The following FRMPD2 variants were observed in gnomAD, a reference collection of about 807,000 sequenced individuals.
FRMPD2 encodes FERM and PDZ domain containing 2.
Under a neutral mutation model 140.1 loss-of-function variants are expected in FRMPD2, and 96 were observed. The ratio of observed to expected loss-of-function variants is 0.69; its 90% CI spans 0.58 to 0.81. FRMPD2 has a LOEUF of 0.81. FRMPD2 is among the 40% of genes least tolerant of loss of function. The probability of loss-of-function intolerance (pLI) is 0.00; values close to 1 mark genes in which losing one functional copy is unlikely to be tolerated. For missense variants in FRMPD2, 1,240 were observed against 1,447.4 expected (o/e 0.86, Z 2.32); for synonymous variants, 449 against 547.6 (o/e 0.82, Z 2.52).
At chr10:48,237,735 C>T (rs1213854902) in intron 8 of FRMPD2, among the ~76,000 whole-genome samples, 1 of 152,138 alleles carries the variant, frequency 6.6e-6, no homozygotes, top group East Asian at 1.9e-4. Flanking sequence ...GTGGCTTCCT[C>T]TAGGGTGGGA....
chr10:48,268,237 C>T (rs1297551458), intron 1 of FRMPD2, among the ~76,000 whole-genome samples: 1 of 152,146 alleles, frequency 6.6e-6, no homozygotes, highest in Non-Finnish European at 1.5e-5. Flanking sequence ...ATACCAAATG[C>T]TTATGAGGAT....
rs139262103 is a variant in FRMPD2, at chr10:48,274,554, G to A, written c.14C>T (p.Thr5Met). 2.4e-4 allele frequency: 384 copies of A among 1,614,052 alleles called. No homozygotes were observed. Among genetic ancestry groups the A allele is most frequent in the South Asian group, 8.7e-4 (79 of 91,088 alleles). ...ATGCCAAGGAATACCTGCGTCCTTC[G>A]TTAAAGGCTGCATCCAAAAGTCTCC... MQPL[T>M]KDAGMSLSSV... is the part of the protein sequence containing the mutation. Residue 5 changes from threonine (T) to methionine (M), a missense_variant, in exon 1 of 29, where the codon ACG (threonine) becomes ATG (methionine). By Grantham distance (81) the Thr-to-Met change is moderately conservative. This residue lies in a region of FRMPD2 where 1,161 missense variants were observed against 1,055.9 expected (regional missense o/e 1.10). Transcript: ENST00000374201.
intron 1 of FRMPD2, among the ~76,000 whole-genome samples, chr10:48,266,811 G>T (rs752989355): frequency 9.2e-5 from 14 of 152,226 alleles, no homozygotes; most frequent in Admixed American, 1.3e-4. Context: ...CCCCACGGGG[G>T]TGGTGCCAGG....
At chr10:48,177,310 A>C (rs1838435757) in intron 22 of FRMPD2, 1 of 150,120 alleles carries the variant, frequency 6.7e-6, no homozygotes. Context: ...ATGGGGTTTC[A>C]CCATGTTAGC....
chr10:48,183,065 G>A (rs1346977828), intron 20 of FRMPD2, among the ~76,000 whole-genome samples: 6 of 152,228 alleles, frequency 3.9e-5, no homozygotes, highest in Admixed American at 3.9e-4. Context: ...ACCACCCATA[G>A]CTTCTGGACA....
intron 1 of FRMPD2, among the ~76,000 whole-genome samples, chr10:48,252,118 C>T (rs1339097359): frequency 6.6e-6 from 1 of 152,138 alleles, no homozygotes; most frequent in Non-Finnish European, 1.5e-5. Context: ...GTACGTGATT[C>T]ACATCTTTCA....
At chr10:48,233,401 G>A (rs1839899497) in intron 9 of FRMPD2, among the ~76,000 whole-genome samples, 1 of 152,194 alleles carries the variant, frequency 6.6e-6, no homozygotes, top group African/African-American at 2.4e-5. Flanking sequence ...TGTCAGTCTG[G>A]CACAAGGCCT....
In FRMPD2 at chr10:48,251,597, G is replaced by C; in HGVS notation, c.120C>G (p.Ala40=). The C allele has an allele frequency of 6.2e-7, 1 of 1,614,198 alleles. No homozygotes were observed. The highest frequency in any genetic ancestry group is 8.5e-7 in the Non-Finnish European group (1 of 1,180,034). ...EEEIWSLLFL[A]AEQLLEDLRN... ...GGAGGTCTTCCAGGAGCTGCTCAGC[G>C]GCCAGGAACAGGAGGGACCAGATTT... Residue 40 remains alanine, a synonymous_variant, in exon 2 of 29, where the codon GCC becomes GCG. Transcript: ENST00000374201.
intron 15 of FRMPD2, among the ~76,000 whole-genome samples, chr10:48,200,787 T>C (rs1648445942): frequency 6.6e-6 from 1 of 152,248 alleles, no homozygotes; most frequent in Non-Finnish European, 1.5e-5. Flanking sequence ...ATTATATAGA[T>C]GCTCTTGGTT....
intron 12 of FRMPD2, among the ~76,000 whole-genome samples, chr10:48,219,772 T>C (rs947775814): frequency 1.2e-4 from 18 of 152,320 alleles, no homozygotes; most frequent in African/African-American, 4.3e-4. Flanking sequence ...TCCCTGAGGA[T>C]TATAACAGAG....
At chr10:48,198,719 G>A (rs1231075401) in intron 15 of FRMPD2, among the ~76,000 whole-genome samples, 1 of 152,118 alleles carries the variant, frequency 6.6e-6, no homozygotes, top group Non-Finnish European at 1.5e-5. Context: ...AGCATAGAAT[G>A]TTTTTCCATT....
chr10:48,225,407 G>A (rs540979230), intron 10 of FRMPD2, among the ~76,000 whole-genome samples: 1 of 152,224 alleles, frequency 6.6e-6, no homozygotes, highest in South Asian at 2.1e-4. Flanking sequence ...ACAGCCAGCC[G>A]CACAAGGACA....
chr10:48,235,725 C>T (rs1296073649), intron 9 of FRMPD2, among the ~76,000 whole-genome samples: 1 of 152,226 alleles, frequency 6.6e-6, no homozygotes, highest in Non-Finnish European at 1.5e-5. Context: ...CATCCAAATA[C>T]TCAACATTGA....
chr10:48,191,593 A>G (rs746018068), intron 16 of FRMPD2, among the ~76,000 whole-genome samples: 2 of 152,212 alleles, frequency 1.3e-5, no homozygotes, highest in Non-Finnish European at 1.5e-5. Context: ...GGATATAGAT[A>G]TAGGTATAGA....
Position 48,274,607 on chromosome 10 carries a change from G to A in FRMPD2, c.-40C>T, listed in dbSNP as rs1210278863. On this transcript the variant is annotated 5_prime_UTR_variant, in exon 1 of 29. Coordinates refer to ENST00000374201, the MANE Select transcript of FRMPD2 (RefSeq NM_001018071.4). ...GACCAGGTCTAGGCCTTCATCATGG[G>A]ACAACTTTCCAACAAGGAGCAGGGG... 6.2e-7 allele frequency: 1 copy of A among 1,608,976 alleles called. No homozygotes were observed. The highest frequency in any genetic ancestry group is 1.1e-5 in the South Asian group (1 of 90,756).
At chr10:48,160,111 T>G (rs1837893710) in intron 28 of FRMPD2, among the ~76,000 whole-genome samples, 1 of 151,646 alleles carries the variant, frequency 6.6e-6, no homozygotes, top group Admixed American at 6.6e-5. Context: ...CTGCCTACCT[T>G]TAGGAACTAA....
intron 1 of FRMPD2, among the ~76,000 whole-genome samples, chr10:48,274,071 T>C (rs1005572243): frequency 6.6e-6 from 1 of 152,202 alleles, no homozygotes; most frequent in Non-Finnish European, 1.5e-5. Flanking sequence ...AAACACTTGC[T>C]TCTGAAAGAT....
At chr10:48,231,818 A>T (rs1197916155) in intron 10 of FRMPD2, among the ~76,000 whole-genome samples, 1 of 152,198 alleles carries the variant, frequency 6.6e-6, no homozygotes, top group Non-Finnish European at 1.5e-5. Flanking sequence ...TTAGATGGAA[A>T]TGCTTTTAAC....
rs147861138 is a variant in FRMPD2, at chr10:48,223,143, G to A, written c.1296C>T (p.Val432=). The change falls in exon 11 of 29, where the codon GTC becomes GTT. Residue 432 remains valine (V), a synonymous_variant. Transcript: ENST00000374201. ...CTCACTGGAGCAGCCCATAGTGGCT[G>A]ACAAAGAACTTTATCCTCAGGAAGA... ...FTLFLRIKFF[V]SHYGLLQHSL... The A allele has an allele frequency of 3.8e-5, 61 of 1,613,914 alleles. No individual in the cohort carries two copies. The Admixed American group carries it at 1.0e-3, about 27-fold the overall frequency.
Sources: gnomAD v4.1 joint callset for allele counts (sites outside exome capture counted in the v4.1 genomes callset) on GRCh38, gnomAD v4.1.1 for gene constraint, gnomAD v4.1.1 regional missense constraint, MANE v1.5 for transcripts, NCBI Gene and HGNC (gene_info 2026-07-23, HGNC 2026-07-21) for gene names.